The following ARAP3 variants were observed in gnomAD, a reference collection of about 807,000 sequenced individuals.
ARAP3 encodes the protein arf-GAP with Rho-GAP domain, ANK repeat and PH domain-containing protein 3.
In ARAP3, 82 loss-of-function variants were observed where a neutral mutation model predicts 169.2. That is an observed-to-expected ratio of 0.48 (90% CI 0.41 to 0.58). The LOEUF is 0.58. Among genes scored for constraint, ARAP3 ranks in the 20% least tolerant of loss-of-function variants. The pLI is 0.00. For synonymous variants in ARAP3, 791 were observed against 800.3 expected (o/e 0.99, Z 0.20); for missense variants, 1,764 against 2,018.0 (o/e 0.87, Z 2.41).
Position 141,671,728 on chromosome 5 carries a change from G to A in ARAP3, c.1696C>T (p.Arg566Cys), listed in dbSNP as rs924469231. The A allele has an allele frequency of 1.0e-5, 16 of 1,604,166 alleles. No individual in the cohort carries two copies. The highest frequency in any genetic ancestry group is 4.5e-5 in the East Asian group (2 of 44,832). ...GTCCCTGCCCAGAAGCGGTTGGCAC[G>A]ATCATTTCCCAGGACAATGAATAAC... ...VQLFIVLGND[R>C]ANRFWAGTLP... Residue 566 changes from arginine (R) to cysteine (C), a missense_variant, in exon 12 of 33, where the codon CGT (arginine) becomes TGT (cysteine). This residue lies in a region of ARAP3 where 1,112 missense variants were observed against 1,285.7 expected (regional missense o/e 0.86). Coordinates refer to ENST00000239440, the MANE Select transcript of ARAP3 (RefSeq NM_022481.6). This position sits in a 1 kb window ranked among gnomAD's most constrained non-coding sequence, Gnocchi z 4.9.
At position 141,671,557 on chromosome 5, in the gene ARAP3, C is replaced by G; in HGVS notation, c.1854+13G>C. The G allele has an allele frequency of 6.2e-7, 1 of 1,613,790 alleles. No homozygotes were observed. Among genetic ancestry groups the G allele is most frequent in the Non-Finnish European group, 8.5e-7 (1 of 1,179,880 alleles). ...CCCCCCACCCCAGATCACCCCTGCT[C>G]TGTCCCTCCTACCTGGAGAAGCTGG... On this transcript the variant is annotated intron_variant, in intron 12 of 32. Transcript: ENST00000239440. This position sits in a 1 kb window ranked among gnomAD's most constrained non-coding sequence, Gnocchi z 4.9.
At chr5:141,667,532 C>T (rs2099910826) in intron 16 of ARAP3, among the ~76,000 whole-genome samples, 1 of 150,324 alleles carries the variant, frequency 6.7e-6, no homozygotes, top group Non-Finnish European at 1.5e-5. Context: ...CTCCCGGGTT[C>T]AAGAGATTCT....
rs561023577 is a variant in ARAP3, at chr5:141,656,615, C to G, written c.3678G>C (p.Arg1226=). 5.0e-6 allele frequency: 8 copies of G among 1,613,484 alleles called. No homozygotes were observed. In the Admixed American group the frequency reaches 1.0e-4, roughly 20 times the overall value. ...LFTGIRRESP[R]VGLLRCREEP... ...CCTCACGACACCGCAACAGCCCCACCCGTGGGCTCTCACGTCGGATACCTG... is the reference window on the plus strand; with the variant it reads ...CCTCACGACACCGCAACAGCCCCACGCGTGGGCTCTCACGTCGGATACCTG... Residue 1226 remains arginine (R), a synonymous_variant, in exon 27 of 33, where the codon CGG becomes CGC. Coordinates refer to ENST00000239440, the MANE Select transcript of ARAP3 (RefSeq NM_022481.6).
intron 1 of ARAP3, 70 bp from the exon 2 acceptor site, chr5:141,680,573 C>T: frequency 2.0e-6 from 3 of 1,469,176 alleles, no homozygotes; most frequent in Non-Finnish European, 2.7e-6. Flanking sequence ...GAGTCTGAGG[C>T]CTGGACAGTG....
At chr5:141,668,998 G>A (rs972865076) in intron 16 of ARAP3, among the ~76,000 whole-genome samples, 2 of 152,176 alleles carry the variant, frequency 1.3e-5, no homozygotes, top group African/African-American at 4.8e-5. Context: ...GTCTTAGGAT[G>A]GGAGAGACTG....
rs747609747 is a variant in ARAP3 at position 141,669,824 on chromosome 5, T to A, written c.2250-13A>T. 6.2e-7 allele frequency: 1 copy of A among 1,613,426 alleles called. No homozygotes were observed. Among genetic ancestry groups the A allele is most frequent in the South Asian group, 1.1e-5 (1 of 91,050 alleles). The stretch of plus-strand genomic sequence containing the variant: ...GGAAAAGGGGAACCTGGAGAGAAGA[T>A]GAGGTCAGGGAGGAGGATGGGACCA... On this transcript the variant is annotated splice_polypyrimidine_tract_variant and intron_variant, in intron 15 of 32. Coordinates refer to ENST00000239440, the MANE Select transcript of ARAP3 (RefSeq NM_022481.6).
chr5:141,659,394 T>C lies in ARAP3; in HGVS notation c.3336+14A>G. The C allele has an allele frequency of 6.2e-7, 1 of 1,612,070 alleles. No homozygotes were observed. Among genetic ancestry groups the C allele is most frequent in the Non-Finnish European group, 8.5e-7 (1 of 1,178,228 alleles). ...TCCTGCCCCATTCAGGAGACTAAGG[T>C]CAGGACGAGTTACCTGCACGTCCTT... On this transcript the variant is annotated intron_variant, in intron 23 of 32. Coordinates refer to ENST00000239440, the MANE Select transcript of ARAP3 (RefSeq NM_022481.6).
chr5:141,654,268 G>A lies in ARAP3; in HGVS notation c.4317C>T (p.Leu1439=). ...GTTGATCCAATGACTTCTGGCTGGT[G>A]AGGGGGTTCTCTGGCTTCACTGTCC... ...REWTVKPENP[L]TSQKSLDQPF... is the part of the protein sequence containing the mutation. The change falls in exon 33 of 33, where the codon CTC becomes CTT. Residue 1439 remains leucine (L), a synonymous_variant. Coordinates refer to ENST00000239440, the MANE Select transcript of ARAP3 (RefSeq NM_022481.6). The A allele has an allele frequency of 6.2e-7, 1 of 1,614,190 alleles. No individual in the cohort carries two copies. The highest frequency in any genetic ancestry group is 8.5e-7 in the Non-Finnish European group (1 of 1,180,024).
chr5:141,656,130 C>T, intron 28 of ARAP3, 31 bp from the exon 29 acceptor site: 1 of 1,614,048 alleles, frequency 6.2e-7, no homozygotes, highest in Non-Finnish European at 8.5e-7. Flanking sequence ...ATGGGGCAGT[C>T]AGAAAGGGCA....
rs1433359828 is a variant in ARAP3 at position 141,659,412 on chromosome 5, A to G, written c.3332T>C (p.Val1111Ala). 6.2e-7 allele frequency: 1 copy of G among 1,613,870 alleles called. No homozygotes were observed. The highest frequency in any genetic ancestry group is 8.5e-7 in the Non-Finnish European group (1 of 1,179,854). Residue 1111 changes from valine (V) to alanine (A), a missense_variant, in exon 23 of 33, where the codon GTG becomes GCG. Physicochemically the swap from Val to Ala is moderately conservative, Grantham distance 64. Transcript: ENST00000239440. ...ACTAAGGTCAGGACGAGTTACCTGC[A>G]CGTCCTTCCAGGTGGTGATAAGACT... The part of the protein sequence containing the change: ...EVSLITTWKD[V>A]QLSQAGDLIM...
chr5:141,677,822 T>A (rs2099912400), intron 4 of ARAP3, among the ~76,000 whole-genome samples: 1 of 152,150 alleles, frequency 6.6e-6, no homozygotes, highest in Non-Finnish European at 1.5e-5. Flanking sequence ...TCTCACTCGG[T>A]TGTCCAGGAT....
intron 19 of ARAP3, among the ~76,000 whole-genome samples, chr5:141,662,484 A>G (rs2099910088): frequency 1.3e-5 from 2 of 152,200 alleles, no homozygotes; most frequent in African/African-American, 2.4e-5. Flanking sequence ...ATCACACTGT[A>G]TCTCCTCACC....
In ARAP3 at chr5:141,656,548, A is replaced by C; in HGVS notation, c.3745T>G (p.Phe1249Val). 6.2e-7 allele frequency: 1 copy of C among 1,612,898 alleles called. No individual in the cohort carries two copies. The highest frequency in any genetic ancestry group is 8.5e-7 in the Non-Finnish European group (1 of 1,179,494). ...AGCAGGCAGCGGCCACGCAGCAGAAAGAACCTCTCCTGGAAGCGGCTTCCC... is the reference window on the plus strand; with the variant it reads ...AGCAGGCAGCGGCCACGCAGCAGAACGAACCTCTCCTGGAAGCGGCTTCCC... ...LLGSRFQERF[F>V]LLRGRCLLLL... The change falls in exon 27 of 33, where the codon TTT (phenylalanine) becomes GTT (valine). Residue 1249 changes from phenylalanine (F) to valine (V), a missense_variant. Phe to Val is a conservative substitution (Grantham distance 50). Transcript: ENST00000239440.
At position 141,662,236 on chromosome 5, in the gene ARAP3, T is replaced by C; in HGVS notation, c.2820A>G (p.Val940=). 6.2e-7 allele frequency: 1 copy of C among 1,606,254 alleles called. No individual in the cohort carries two copies. Among genetic ancestry groups the C allele is most frequent in the Admixed American group, 1.7e-5 (1 of 59,950 alleles). Residue 940 remains valine (V), a synonymous_variant, in exon 20 of 33, where the codon GTA becomes GTG. Transcript: ENST00000239440. ...VTQHGLRLEG[V]YRKGGARARS... ...GGGCACGAGCGCCCCCTTTCCGGTA[T>C]ACACCTTCCAGCCGGAGCCCTGAGG...
intron 17 of ARAP3, 82 bp from the exon 18 acceptor site, chr5:141,665,456 A>T: frequency 6.9e-7 from 1 of 1,448,066 alleles, no homozygotes; most frequent in Non-Finnish European, 9.7e-7. Flanking sequence ...TAACGTGCAT[A>T]GATGCCAGGC....
rs759275830 is a variant in ARAP3 at position 141,653,895 on chromosome 5, G to A, written c.*55C>T. ...GCAGAGGAAGCTGCAACAGTGCCAC[G>A]ATAAGAGTTTCTGGGTCTTCTGGTA... On this transcript the variant is annotated 3_prime_UTR_variant, in exon 33 of 33. Transcript: ENST00000239440. 21 of 1,506,168 alleles carry A rather than the reference G, an allele frequency of 1.4e-5. No homozygotes were observed. In the African/African-American group the frequency reaches 1.5e-4, roughly 11 times the overall value. The allele number at this position is 1,506,168 out of a possible 1,614,324, so 93.3% of individuals were successfully genotyped here.
At chr5:141,665,167 G>A in intron 18 of ARAP3, 82 bp from the exon 19 acceptor site, 1 of 1,564,432 alleles carries the variant, frequency 6.4e-7, no homozygotes, top group Non-Finnish European at 8.7e-7. Flanking sequence ...GCCACCAGCA[G>A]AGGGCAGCAA....
At chr5:141,660,161 C>T (rs1352038207) in intron 21 of ARAP3, among the ~76,000 whole-genome samples, 1 of 152,176 alleles carries the variant, frequency 6.6e-6, no homozygotes, top group Non-Finnish European at 1.5e-5. Flanking sequence ...TGTTCTAACT[C>T]TCAGCTCTGT....
At position 141,659,409 on chromosome 5, in the gene ARAP3, T is replaced by C. The variant is rs769435247; in HGVS notation, c.3335A>G (p.Gln1112Arg). The change falls in exon 23 of 33, where the codon CAG becomes CGG. Residue 1112 changes from glutamine to arginine, a missense_variant and splice_region_variant. Physicochemically the swap from Gln to Arg is conservative, Grantham distance 43. Around this residue, in one of 3 missense-constraint regions of ARAP3, gnomAD observed 1,112 missense variants for 1,285.7 expected, o/e 0.86. Coordinates refer to ENST00000239440, the MANE Select transcript of ARAP3 (RefSeq NM_022481.6). ...GAGACTAAGGTCAGGACGAGTTACC[T>C]GCACGTCCTTCCAGGTGGTGATAAG... Reference protein sequence around the residue: ...VSLITTWKDVQLSQAGDLIME... With the variant: ...VSLITTWKDVRLSQAGDLIME... 1 of 1,613,890 alleles carries C rather than the reference T, an allele frequency of 6.2e-7. No individual in the cohort carries two copies. Among genetic ancestry groups the C allele is most frequent in the Non-Finnish European group, 8.5e-7 (1 of 1,179,730 alleles).
Sources: allele counts gnomAD v4.1 joint callset (sites outside exome capture counted in the v4.1 genomes callset), GRCh38; gene constraint gnomAD v4.1.1; regional missense constraint gnomAD v4.1.1; non-coding constraint Gnocchi (gnomAD v3.1); transcripts MANE v1.5; gene names NCBI Gene and HGNC (gene_info 2026-07-23, HGNC 2026-07-21).